UPP2: variants seen among roughly 807,000 people sequenced by gnomAD.
The protein encoded by UPP2 is UPase 2.
Under a neutral mutation model 26.7 loss-of-function variants are expected in UPP2, and 23 were observed. The ratio of observed to expected loss-of-function variants is 0.86; its 90% CI spans 0.62 to 1.22. The LOEUF is 1.22. UPP2 is among the 50% of genes most tolerant of loss of function. UPP2 has a pLI of 0.00. For missense variants in UPP2, 387 were observed against 396.7 expected (o/e 0.98, Z 0.21); for synonymous variants, 127 against 141.3 (o/e 0.90, Z 0.72).
At chr2:158,051,157 A>ATGTGTGTGTGTGTGTGTGTGTGTGTGTG (rs57745839) in intron 3 of UPP2, among the ~76,000 whole-genome samples, 3 of 144,986 alleles carry the variant, frequency 2.1e-5, no homozygotes, top group South Asian at 2.2e-4. Context: ...CTCTAGGAAT[A>ATGTGTGTGTGTGTGTGTGTGTGTGTGTG]TGTGTGTGTG....
At chr2:158,034,623 G>A (rs80141001) in intron 3 of UPP2, among the ~76,000 whole-genome samples, 1,960 of 152,244 alleles carry the variant, frequency 0.013, 47 homozygotes, top group African/African-American at 0.045. Context: ...GAGATTTGTC[G>A]TGTGTGTGTG....
rs183830233 is a variant in UPP2, at chr2:158,129,903, C to T, written c.812-4845C>T. Among the ~76,000 whole-genome samples, 46 of 152,112 alleles carry T rather than the reference C, an allele frequency of 3.0e-4. No individual in the cohort carries two copies. The East Asian group carries it at 7.2e-3, about 24-fold the overall frequency. On this transcript the variant is annotated intron_variant, in intron 6 of 6. Coordinates refer to ENST00000005756, the MANE Select transcript of UPP2 (RefSeq NM_173355.4). Reference sequence around the variant, plus strand: ...ACCTCAGCCTCCAGAGTAGCTGGGACCACAGGTTCATACAACCACGAATTT... The same window carrying T: ...ACCTCAGCCTCCAGAGTAGCTGGGATCACAGGTTCATACAACCACGAATTT...
At chr2:158,017,767 G>A (rs1185333845) in intron 3 of UPP2, among the ~76,000 whole-genome samples, 1 of 152,168 alleles carries the variant, frequency 6.6e-6, no homozygotes, top group African/African-American at 2.4e-5. Flanking sequence ...TAATTAAGAT[G>A]TTCAAGTGCT....
At position 158,075,590 on chromosome 2, in the gene UPP2, T is replaced by C. The variant is rs144332689; in HGVS notation, c.148-26450T>C. 6.2e-3 allele frequency among the ~76,000 whole-genome samples: 946 copies of C among 152,110 alleles called. 6 individuals carry two copies. The highest frequency in any genetic ancestry group is 0.034 in the Middle Eastern group (10 of 294). On this transcript the variant is annotated intron_variant, in intron 3 of 9. Coordinates refer to the UPP2 transcript ENST00000605860. ...TAAACAATATGCTCCTGAATGACCA[T>C]TGGGTCAATGAAGAAATTAGGAAGG... is the stretch of plus-strand genomic sequence containing the variant.
chr2:158,080,876 AGAGAG>A (rs1682713847), intron 3 of UPP2, among the ~76,000 whole-genome samples: 1 of 152,182 alleles, frequency 6.6e-6, no homozygotes, highest in African/African-American at 2.4e-5. Context: ...CAGGCTCTGG[AGAGAG>A]GAGAGGAAAG....
intron 3 of UPP2, among the ~76,000 whole-genome samples, chr2:158,017,474 C>A (rs1683679075): frequency 6.6e-6 from 1 of 152,136 alleles, no homozygotes; most frequent in Non-Finnish European, 1.5e-5. Flanking sequence ...TTACCCAAAA[C>A]TTACAGATTT....
intron 3 of UPP2, chr2:158,065,898 T>A: frequency 1.7e-6 from 1 of 605,638 alleles, no homozygotes; most frequent in Admixed American, 2.3e-5. Flanking sequence ...TGCCCTAGCA[T>A]TAATTGAAGG....
At chr2:158,129,454 C>T (rs1574312695) in intron 6 of UPP2, among the ~76,000 whole-genome samples, 1 of 152,056 alleles carries the variant, frequency 6.6e-6, no homozygotes, top group East Asian at 1.9e-4. Flanking sequence ...CCTTTGAGAT[C>T]TAACCTGCTC....
At chr2:158,125,301 T>C (rs1475181328) in intron 6 of UPP2, among the ~76,000 whole-genome samples, 3 of 152,248 alleles carry the variant, frequency 2.0e-5, no homozygotes, top group Admixed American at 1.3e-4. Flanking sequence ...AAAAAAGCTG[T>C]AGTTCTAAGG....
chr2:158,041,441 A>G (rs750798811), intron 3 of UPP2, among the ~76,000 whole-genome samples: 18 of 150,502 alleles, frequency 1.2e-4, no homozygotes, highest in Non-Finnish European at 2.7e-4. Flanking sequence ...CAAAAATATT[A>G]AAGGACTTCA....
At chr2:158,133,192 A>G (rs891790594) in intron 6 of UPP2, among the ~76,000 whole-genome samples, 1 of 152,248 alleles carries the variant, frequency 6.6e-6, no homozygotes, top group Admixed American at 6.5e-5. Flanking sequence ...TAGCCTTTAA[A>G]AAGAAGGAAA....
chr2:158,047,242 G>A (rs755322424), intron 3 of UPP2, among the ~76,000 whole-genome samples: 5 of 152,282 alleles, frequency 3.3e-5, no homozygotes, highest in East Asian at 3.9e-4. Flanking sequence ...TTCACACAGC[G>A]GGGGTATTGA....
intron 4 of UPP2, 24 bp from the exon 5 acceptor site, chr2:158,121,385 T>G: frequency 1.3e-6 from 2 of 1,587,644 alleles, no homozygotes; most frequent in African/African-American, 2.7e-5. Flanking sequence ...TATTCTTCTG[T>G]AATCATTTAT....
intron 3 of UPP2, among the ~76,000 whole-genome samples, chr2:158,054,590 C>T (rs1019806091): frequency 4.0e-5 from 6 of 151,536 alleles, no homozygotes; most frequent in African/African-American, 9.7e-5. Flanking sequence ...GAAAACCATC[C>T]CAAAGCCAGT....
chr2:158,018,171 C>A (rs1683690683), intron 3 of UPP2, among the ~76,000 whole-genome samples: 1 of 152,196 alleles, frequency 6.6e-6, no homozygotes, highest in Non-Finnish European at 1.5e-5. Context: ...TCATAGTAAG[C>A]ATTATCCAAA....
intron 2 of UPP2, among the ~76,000 whole-genome samples, chr2:157,998,219 T>C (rs6745721): frequency 0.67 from 100,997 of 151,822 alleles, 34,146 homozygotes; most frequent in East Asian, 0.98. Context: ...CTTGGCATGC[T>C]ATGGAGAAGG....
At chr2:158,102,167 T>A (rs6760699) in intron 1 of UPP2, 42 bp downstream of exon 1, 74,081 of 1,599,280 alleles carry the variant, frequency 0.046, 4,849 homozygotes, top group African/African-American at 0.29. Flanking sequence ...GATCAGATGG[T>A]TGCTCCTTGG....
intron 3 of UPP2, among the ~76,000 whole-genome samples, chr2:158,070,820 C>T (rs929725791): frequency 1.1e-4 from 16 of 152,182 alleles, no homozygotes; most frequent in Non-Finnish European, 2.1e-4. Context: ...TTCCCTATTC[C>T]CCAGAGCTGC....
intron 6 of UPP2, among the ~76,000 whole-genome samples, chr2:158,125,415 G>A (rs1249943647): frequency 6.9e-6 from 1 of 145,372 alleles, no homozygotes; most frequent in Non-Finnish European, 1.5e-5. Flanking sequence ...ATGCATTTTT[G>A]TACTCTTTTT....
Sources: gnomAD v4.1 joint callset for allele counts (sites outside exome capture counted in the v4.1 genomes callset) on GRCh38, gnomAD v4.1.1 for gene constraint, MANE v1.5 for transcripts, NCBI Gene and HGNC (gene_info 2026-07-23, HGNC 2026-07-21) for gene names.